DLGAP2: variants seen among roughly 807,000 people sequenced by gnomAD.
The protein encoded by DLGAP2 is disks large-associated protein 2.
In DLGAP2, 26 loss-of-function variants were observed where a neutral mutation model predicts 100.3. That is an observed-to-expected ratio of 0.26 (90% CI 0.19 to 0.36). The LOEUF (loss-of-function observed/expected upper bound fraction) is 0.36. Ranked by LOEUF, DLGAP2 falls within the 10% of genes least tolerant of loss-of-function variation. The pLI, the probability that DLGAP2 is intolerant of heterozygous loss-of-function variation, is 1.00. For synonymous variants in DLGAP2, 886 were observed against 630.1 expected (o/e 1.41, Z -6.08); for missense variants, 1,858 against 1,453.2 (o/e 1.28, Z -4.53).
rs139281407 is a variant in DLGAP2 at position 800,672 on chromosome 8, A to G, written c.18+62847A>G. Among the ~76,000 whole-genome samples the G allele has an allele frequency of 6.3e-4, 96 of 152,126 alleles. 1 individual carries two copies. The highest frequency in any genetic ancestry group is 1.6e-3 in the African/African-American group (67 of 41,528). ...TGTGCACATGCGTGTGCATGTGTGT[A>G]CATGTATGTGTATGTGCATGTGTGC... On this transcript the variant is annotated intron_variant, in intron 1 of 14. Coordinates refer to ENST00000637795, the MANE Select transcript of DLGAP2 (RefSeq NM_001346810.2).
At chr8:1,685,346 C>T (rs1237593229) in intron 12 of DLGAP2, among the ~76,000 whole-genome samples, 8 of 152,228 alleles carry the variant, frequency 5.3e-5, no homozygotes, top group African/African-American at 1.9e-4. Context: ...ATCAGAAATA[C>T]TGATGACGTT....
intron 2 of DLGAP2, among the ~76,000 whole-genome samples, chr8:1,135,147 C>G (rs1347761104): frequency 1.3e-5 from 2 of 152,142 alleles, no homozygotes; most frequent in East Asian, 3.9e-4. Context: ...AGTTTTTTTG[C>G]TGCTATTGGT....
chr8:1,622,190 A>C (rs943098372), intron 6 of DLGAP2: 4 of 152,222 alleles, frequency 2.6e-5, no homozygotes, highest in Non-Finnish European at 5.9e-5. Flanking sequence ...TCCATTTTCC[A>C]TTGAATGCAG....
At chr8:1,312,167 C>G (rs369766647) in intron 3 of DLGAP2, among the ~76,000 whole-genome samples, 1 of 152,216 alleles carries the variant, frequency 6.6e-6, no homozygotes, top group Non-Finnish European at 1.5e-5. Context: ...AAAATCTAGA[C>G]ACAGATCTCA....
intron 3 of DLGAP2, among the ~76,000 whole-genome samples, chr8:1,451,066 T>G (rs796245160): frequency 9.2e-5 from 14 of 152,186 alleles, no homozygotes; most frequent in African/African-American, 3.4e-4. Flanking sequence ...TACGGTGGTT[T>G]TAAAGTTACA....
chr8:1,317,812 C>G (rs75601838), intron 3 of DLGAP2, among the ~76,000 whole-genome samples: 1 of 132,932 alleles, frequency 7.5e-6, no homozygotes, highest in Non-Finnish European at 1.6e-5. Context: ...AGAGCGTGTG[C>G]GAGTGCAGCG....
intron 1 of DLGAP2, among the ~76,000 whole-genome samples, chr8:747,063 C>T (rs561595675): frequency 1.1e-4 from 17 of 151,882 alleles, no homozygotes; most frequent in East Asian, 7.8e-4. Context: ...TGGTTTTACT[C>T]GCCCTCCTGG....
chr8:800,793 G>A (rs72621146), intron 1 of DLGAP2, among the ~76,000 whole-genome samples: 1 of 151,952 alleles, frequency 6.6e-6, no homozygotes, highest in Non-Finnish European at 1.5e-5. Flanking sequence ...CTGAGAGTGG[G>A]GTTGTGCAGG....
intron 1 of DLGAP2, among the ~76,000 whole-genome samples, chr8:835,504 A>T (rs1465634008): frequency 8.4e-6 from 1 of 119,710 alleles, no homozygotes; most frequent in Admixed American, 9.7e-5. Context: ...CTCCTCTCCC[A>T]TCTTGACATT....
rs1033974714 is a variant in DLGAP2, at chr8:1,191,371, C to A, written c.74-67480C>A. 5.9e-5 allele frequency among the ~76,000 whole-genome samples: 9 copies of A among 152,126 alleles called. 1 individual carries two copies. In the South Asian group the frequency reaches 8.3e-4, roughly 14 times the overall value. ...ATTTTTGGTAGAGACGGGATTTCACCGTGTTAGCCAGGATGGTCTTGATCT... is the reference window on the plus strand; with the variant it reads ...ATTTTTGGTAGAGACGGGATTTCACAGTGTTAGCCAGGATGGTCTTGATCT... On this transcript the variant is annotated intron_variant, in intron 2 of 14. Coordinates refer to ENST00000637795, the MANE Select transcript of DLGAP2 (RefSeq NM_001346810.2).
chr8:1,423,225 C>T (rs186709160), intron 3 of DLGAP2, among the ~76,000 whole-genome samples: 1 of 152,150 alleles, frequency 6.6e-6, no homozygotes, highest in East Asian at 1.9e-4. Flanking sequence ...TTAATGTAAA[C>T]ACAGGTGTGT....
chr8:1,624,676 G>T (rs959598238), intron 6 of DLGAP2, among the ~76,000 whole-genome samples: 1 of 151,994 alleles, frequency 6.6e-6, no homozygotes, highest in African/African-American at 2.4e-5. Flanking sequence ...ACAGAGGAGG[G>T]GAGGGGACAG....
At chr8:1,600,106 G>A (rs1013867869) in intron 6 of DLGAP2, among the ~76,000 whole-genome samples, 3 of 152,088 alleles carry the variant, frequency 2.0e-5, no homozygotes, top group African/African-American at 7.2e-5. Context: ...GTGTGTAAAG[G>A]ATTTTATTTC....
intron 5 of DLGAP2, among the ~76,000 whole-genome samples, chr8:1,564,432 G>C (rs1184245969): frequency 4.6e-5 from 7 of 152,212 alleles, no homozygotes; most frequent in Non-Finnish European, 1.0e-4. Context: ...CAGGCAGCCT[G>C]TGGGGCCGTT....
intron 3 of DLGAP2, chr8:1,262,376 G>T (rs1009250245): frequency 6.6e-6 from 1 of 152,178 alleles, no homozygotes; most frequent in South Asian, 2.1e-4. Flanking sequence ...ATGTTTAAAA[G>T]ATTGATTATT....
At chr8:1,548,484 AC>A (rs1370969148) in intron 4 of DLGAP2, 141 bp from the exon 5 acceptor site, 32 of 510,092 alleles carry the variant, frequency 6.3e-5, no homozygotes, top group African/African-American at 1.7e-4. Flanking sequence ...AAAAAAAAAA[AC>A]CCACAAATCT....
chr8:1,531,839 G>C (rs945325389), intron 4 of DLGAP2, among the ~76,000 whole-genome samples: 1 of 152,174 alleles, frequency 6.6e-6, no homozygotes, highest in Non-Finnish European at 1.5e-5. Context: ...GAACATTTGA[G>C]ACAGGTCTCA....
chr8:1,542,927 G>T (rs1418184877), intron 4 of DLGAP2, among the ~76,000 whole-genome samples: 1 of 152,126 alleles, frequency 6.6e-6, no homozygotes, highest in African/African-American at 2.4e-5. Flanking sequence ...GAGTGGTACC[G>T]CACTGTGGTT....
intron 2 of DLGAP2, among the ~76,000 whole-genome samples, chr8:1,161,601 C>G (rs1352015314): frequency 6.6e-6 from 1 of 152,202 alleles, no homozygotes; most frequent in Non-Finnish European, 1.5e-5. Flanking sequence ...ACAGAATGAG[C>G]TGATGAGACT....
Sources: allele counts gnomAD v4.1 joint callset (sites outside exome capture counted in the v4.1 genomes callset), GRCh38; gene constraint gnomAD v4.1.1; transcripts MANE v1.5; gene names NCBI Gene and HGNC (gene_info 2026-07-23, HGNC 2026-07-21).